The following PSPC1 variants were observed in gnomAD, a reference collection of about 807,000 sequenced individuals.
PSPC1 encodes paraspeckle protein 1.
In PSPC1, 14 loss-of-function variants were observed where a neutral mutation model predicts 51.6. The observed-to-expected ratio is 0.27, with a 90% CI of 0.18 to 0.42. The LOEUF is 0.42. Ranked by LOEUF, PSPC1 falls within the 10% of genes least tolerant of loss-of-function variation. PSPC1 has a pLI of 1.00. For missense variants in PSPC1, 406 were observed against 701.1 expected (o/e 0.58, Z 4.75); for synonymous variants, 193 against 231.9 (o/e 0.83, Z 1.53).
chr13:19,767,146 TAA>T (rs1442230015), intron 2 of PSPC1, among the ~76,000 whole-genome samples: 1 of 150,550 alleles, frequency 6.6e-6, no homozygotes, highest in Non-Finnish European at 1.5e-5. Flanking sequence ...CCAGCTCTAT[TAA>T]AAATACGAAA....
intron 6 of PSPC1, among the ~76,000 whole-genome samples, chr13:19,716,531 T>C (rs1013019237): frequency 6.6e-6 from 1 of 152,186 alleles, no homozygotes; most frequent in African/African-American, 2.4e-5. Flanking sequence ...TCTTTATTGA[T>C]AAAGACCTCT....
rs143820931 is a variant in PSPC1, at chr13:19,692,108, A to G, written c.1159-14285T>C. 8.6e-3 allele frequency among the ~76,000 whole-genome samples: 1,311 copies of G among 152,144 alleles called. 22 individuals carry two copies. The highest frequency in any genetic ancestry group is 0.03 in the African/African-American group (1,254 of 41,494). On this transcript the variant is annotated intron_variant and NMD_transcript_variant, in intron 6 of 7. Coordinates refer to the PSPC1 transcript ENST00000471658. ...CTGTTTGAAAAGAAAAGGAAGCAGA[A>G]TCTGAGTCATGTTTTGTGTATTTAT...
chr13:19,736,454 C>T (rs557619875), intron 5 of PSPC1, among the ~76,000 whole-genome samples: 53 of 152,100 alleles, frequency 3.5e-4, no homozygotes, highest in Middle Eastern at 3.4e-3. Context: ...GAGGCCGAGG[C>T]GGGCGGATCA....
chr13:19,781,101 G>A (rs746296056), intron 1 of PSPC1, among the ~76,000 whole-genome samples: 63 of 149,554 alleles, frequency 4.2e-4, no homozygotes, highest in Non-Finnish European at 8.0e-4. Flanking sequence ...AACTGAGATC[G>A]CGCCACTGCA....
chr13:19,679,423 G>T (rs568335125), intron 6 of PSPC1, among the ~76,000 whole-genome samples: 1 of 152,156 alleles, frequency 6.6e-6, no homozygotes, highest in Non-Finnish European at 1.5e-5. Flanking sequence ...TTGAGCCCAC[G>T]ATGTGGAGGT....
At position 19,782,659 on chromosome 13, in the gene PSPC1, G is replaced by A; in HGVS notation, c.99C>T (p.Ala33=). 6.4e-7 allele frequency: 1 copy of A among 1,551,936 alleles called. No homozygotes were observed. Among genetic ancestry groups the A allele is most frequent in the Admixed American group, 2.1e-5 (1 of 47,740 alleles). Reference sequence around the variant, plus strand: ...CAAGAGCGAGCGCCATGGCTGCCGCGGCCGCCGGCTCGCTCTCGCCCACCG... The same window carrying A: ...CAAGAGCGAGCGCCATGGCTGCCGCAGCCGCCGGCTCGCTCTCGCCCACCG... ...ESAVGESEPA[A]AAAMALALAG... The change falls in exon 1 of 9, where the codon GCC becomes GCT. Residue 33 remains alanine, a synonymous_variant. Coordinates refer to ENST00000338910, the MANE Select transcript of PSPC1 (RefSeq NM_001354909.2). The surrounding 1 kb of genome is among the most constrained non-coding windows in gnomAD (Gnocchi z 4.5).
downstream of PSPC1, chr13:19,673,130 C>T (rs568250310): frequency 8.9e-6 from 4 of 450,470 alleles, no homozygotes; most frequent in Admixed American, 2.4e-5. Context: ...GACCTTGTGC[C>T]CTTGTTTTGA....
intron 6 of PSPC1, among the ~76,000 whole-genome samples, chr13:19,679,409 T>C (rs546525996): frequency 1.3e-5 from 2 of 152,114 alleles, no homozygotes; most frequent in Non-Finnish European, 2.9e-5. Flanking sequence ...AGCAGAAGGA[T>C]CGTTTGAGCC....
chr13:19,693,647 T>C (rs185782004), intron 6 of PSPC1, among the ~76,000 whole-genome samples: 27 of 152,318 alleles, frequency 1.8e-4, no homozygotes, highest in African/African-American at 6.5e-4. Flanking sequence ...AAAAATGTTA[T>C]GGATAGTATC....
intron 2 of PSPC1, among the ~76,000 whole-genome samples, chr13:19,769,795 G>A (rs1380460246): frequency 6.6e-6 from 1 of 152,074 alleles, no homozygotes; most frequent in Non-Finnish European, 1.5e-5. Context: ...AACACCAAGT[G>A]TGGGTAAAAT....
rs187347349 is a variant in PSPC1 at position 19,730,181 on chromosome 13, A to C, written c.1158+58T>G. ...TAAACCAAAATCTAAAGCATTCTAA[A>C]TATGCATCATAAACCTGAAAATATA... On this transcript the variant is annotated intron_variant, in intron 6 of 8. Coordinates refer to ENST00000338910, the MANE Select transcript of PSPC1 (RefSeq NM_001354909.2). The C allele has an allele frequency of 7.4e-4, 1,040 of 1,412,338 alleles. 3 individuals are homozygous for C. The highest frequency in any genetic ancestry group is 6.2e-3 in the African/African-American group (439 of 70,710). 87.5% of individuals were successfully genotyped at this position (1,412,338 alleles called of 1,614,324 possible).
At chr13:19,772,100 TTTC>T (rs1566053054) in intron 2 of PSPC1, 139 bp downstream of exon 2, 3 of 906,394 alleles carry the variant, frequency 3.3e-6, no homozygotes, top group Non-Finnish European at 3.3e-6. Context: ...TACACGAAAA[TTTC>T]TTATTTATAT....
intron 1 of PSPC1, among the ~76,000 whole-genome samples, chr13:19,781,467 GA>G (rs1389482119): frequency 2.0e-5 from 3 of 152,072 alleles, no homozygotes; most frequent in African/African-American, 7.2e-5. Context: ...ATATTACTCT[GA>G]TACTGGGATA....
chr13:19,692,933 T>A (rs1490975557), intron 6 of PSPC1, among the ~76,000 whole-genome samples: 2 of 152,206 alleles, frequency 1.3e-5, no homozygotes. Flanking sequence ...TCCAGAACAT[T>A]GTTTCCAGTC....
At chr13:19,707,659 A>T (rs1880872855) in intron 7 of PSPC1, among the ~76,000 whole-genome samples, 1 of 152,112 alleles carries the variant, frequency 6.6e-6, no homozygotes, top group African/African-American at 2.4e-5. Flanking sequence ...ATGTCACAAA[A>T]ATTTTAAGTT....
At chr13:19,744,843 G>A (rs544708786) in intron 4 of PSPC1, among the ~76,000 whole-genome samples, 10 of 152,294 alleles carry the variant, frequency 6.6e-5, no homozygotes, top group East Asian at 1.9e-4. Context: ...GATTAAAGGC[G>A]TGAGCCACCG....
intron 6 of PSPC1, among the ~76,000 whole-genome samples, chr13:19,686,763 G>A (rs1007905891): frequency 2.0e-5 from 3 of 152,148 alleles, no homozygotes; most frequent in Non-Finnish European, 4.4e-5. Context: ...ATTATTTCTA[G>A]ATCTCAAGGA....
intron 5 of PSPC1, among the ~76,000 whole-genome samples, chr13:19,733,017 G>A (rs1355363194): frequency 1.3e-5 from 2 of 151,716 alleles, no homozygotes; most frequent in Admixed American, 6.6e-5. Context: ...TAGACACAGT[G>A]ACCTTGTTGG....
intron 4 of PSPC1, among the ~76,000 whole-genome samples, chr13:19,746,579 G>A (rs1470806053): frequency 6.6e-6 from 1 of 151,402 alleles, no homozygotes; most frequent in Non-Finnish European, 1.5e-5. Flanking sequence ...ACAAAAATTA[G>A]CCGGGTATGG....
Sources: allele counts gnomAD v4.1 joint callset (sites outside exome capture counted in the v4.1 genomes callset), GRCh38; gene constraint gnomAD v4.1.1; non-coding constraint Gnocchi (gnomAD v3.1); transcripts MANE v1.5; gene names NCBI Gene and HGNC (gene_info 2026-07-23, HGNC 2026-07-21).